NBEAL1: variants seen among roughly 807,000 people sequenced by gnomAD.
NBEAL1 encodes the protein neurobeachin-like protein 1.
Under a neutral mutation model 351.3 loss-of-function variants are expected in NBEAL1, and 273 were observed. The ratio of observed to expected loss-of-function variants is 0.78; its 90% CI spans 0.70 to 0.86. The LOEUF (loss-of-function observed/expected upper bound fraction) is 0.86. Ranked by LOEUF, NBEAL1 falls within the 40% of genes least tolerant of loss-of-function variation. The pLI, the probability that NBEAL1 is intolerant of heterozygous loss-of-function variation, is 0.00. For synonymous variants in NBEAL1, 1,050 were observed against 1,086.4 expected, an observed-to-expected ratio of 0.97 and a Z score of 0.66; for missense variants, 2,961 against 3,201.3, an observed-to-expected ratio of 0.92 and a Z score of 1.81.
chr2:203,102,067 G>C (rs752426106), intron 12 of NBEAL1, among the ~76,000 whole-genome samples: 2 of 152,080 alleles, frequency 1.3e-5, no homozygotes, highest in African/African-American at 4.8e-5. Flanking sequence ...TTCTTTTTGT[G>C]GTAATTGTTA....
At chr2:203,171,488 C>T (rs1275922311) in intron 39 of NBEAL1, among the ~76,000 whole-genome samples, 2 of 151,934 alleles carry the variant, frequency 1.3e-5, no homozygotes, top group Non-Finnish European at 2.9e-5. Context: ...GCCTTTAGTC[C>T]TAGCTACTTG....
chr2:203,165,103 C>T (rs185893615), intron 36 of NBEAL1, among the ~76,000 whole-genome samples: 114 of 152,248 alleles, frequency 7.5e-4, no homozygotes, highest in Middle Eastern at 3.4e-3. Flanking sequence ...TCAGGTGATC[C>T]GTCCATCTCT....
At chr2:203,058,907 CA>C (rs1383554571) in intron 6 of NBEAL1, among the ~76,000 whole-genome samples, 2 of 152,184 alleles carry the variant, frequency 1.3e-5, no homozygotes, top group Non-Finnish European at 1.5e-5. Flanking sequence ...AGTCACATAT[CA>C]TTCTTACCTG....
intron 2 of NBEAL1, among the ~76,000 whole-genome samples, chr2:203,018,936 T>A (rs1310414880): frequency 6.6e-6 from 1 of 152,208 alleles, no homozygotes; most frequent in Non-Finnish European, 1.5e-5. Flanking sequence ...TTTCTTAATA[T>A]TCGTATTTTC....
At chr2:203,072,434 A>G (rs999257042) in intron 7 of NBEAL1, among the ~76,000 whole-genome samples, 1 of 151,492 alleles carries the variant, frequency 6.6e-6, no homozygotes, top group Non-Finnish European at 1.5e-5. Context: ...AAATTTGGAT[A>G]GACTGAGAAT....
intron 51 of NBEAL1, among the ~76,000 whole-genome samples, chr2:203,205,975 C>G (rs1175192424): frequency 6.6e-6 from 1 of 152,190 alleles, no homozygotes; most frequent in Non-Finnish European, 1.5e-5. Context: ...CTAGGATAAT[C>G]ACAAATACAA....
Position 203,113,262 on chromosome 2 carries a change from T to C in NBEAL1, c.2450T>C (p.Val817Ala). Residue 817 changes from valine (V) to alanine (A), a missense_variant, in exon 17 of 56, where the codon GTT (valine) becomes GCT (alanine). Coordinates refer to ENST00000683969, the MANE Select transcript of NBEAL1 (RefSeq NM_001378026.1). ...PTSLEGQLGSVIIFYEPLQPP... is the reference protein window; with the variant it reads ...PTSLEGQLGSAIIFYEPLQPP... The stretch of plus-strand genomic sequence containing the variant: ...TCTCTGGAGGGTCAGCTAGGATCTG[T>C]TATCATCTTTTATGAACCACTACAA... 1 of 1,487,858 alleles carries C rather than the reference T, an allele frequency of 6.7e-7. No homozygotes were observed. Among genetic ancestry groups the C allele is most frequent in the Non-Finnish European group, 8.9e-7 (1 of 1,117,702 alleles). The allele number at this position is 1,487,858 out of a possible 1,614,324, so 92.2% of individuals were successfully genotyped here. A position where few individuals can be genotyped will look rare whatever the true frequency, so the allele number is the denominator to read the frequency against.
intron 2 of NBEAL1, chr2:203,040,446 G>GA (rs1559325421): frequency 1.4e-6 from 1 of 720,114 alleles, no homozygotes; most frequent in Non-Finnish European, 2.6e-6. Flanking sequence ...TTCGCCTGAA[G>GA]AAAATGTTTA....
intron 55 of NBEAL1, among the ~76,000 whole-genome samples, chr2:203,214,402 T>A (rs912735809): frequency 6.6e-6 from 1 of 152,236 alleles, no homozygotes; most frequent in Non-Finnish European, 1.5e-5. Flanking sequence ...AAAACCTGTT[T>A]TATAAATATT....
At chr2:203,117,145 G>A (rs375490315) in intron 18 of NBEAL1, among the ~76,000 whole-genome samples, 3 of 150,938 alleles carry the variant, frequency 2.0e-5, no homozygotes, top group African/African-American at 7.3e-5. Flanking sequence ...TGCACAAGCT[G>A]GCTAAACTAG....
chr2:203,054,441 A>G (rs1486045987), intron 4 of NBEAL1, among the ~76,000 whole-genome samples: 1 of 148,974 alleles, frequency 6.7e-6, no homozygotes, highest in African/African-American at 2.5e-5. Flanking sequence ...AAAAAAAAAA[A>G]TTTTTTTTTT....
At chr2:203,093,455 T>C (rs2062110830) in intron 10 of NBEAL1, among the ~76,000 whole-genome samples, 1 of 152,192 alleles carries the variant, frequency 6.6e-6, no homozygotes, top group Non-Finnish European at 1.5e-5. Flanking sequence ...CAAAGTTTAT[T>C]AAAATTTACA....
intron 38 of NBEAL1, 112 bp downstream of exon 38, chr2:203,167,472 A>G: frequency 9.3e-7 from 1 of 1,079,558 alleles, no homozygotes; most frequent in South Asian, 2.1e-5. Context: ...AAAATGTTAG[A>G]GGAAAAAATA....
intron 34 of NBEAL1, 72 bp downstream of exon 34, chr2:203,149,220 C>A: frequency 9.6e-7 from 1 of 1,038,978 alleles, no homozygotes; most frequent in Non-Finnish European, 1.3e-6. Flanking sequence ...TGAGCAAATG[C>A]CCCCTTTCAC....
intron 55 of NBEAL1, among the ~76,000 whole-genome samples, chr2:203,214,181 T>G (rs930283313): frequency 6.6e-6 from 1 of 152,248 alleles, no homozygotes; most frequent in African/African-American, 2.4e-5. Flanking sequence ...ACTCTCACTC[T>G]TAGGAAAACT....
intron 10 of NBEAL1, among the ~76,000 whole-genome samples, chr2:203,087,703 C>G (rs1216771961): frequency 1.3e-5 from 2 of 152,110 alleles, no homozygotes; most frequent in African/African-American, 2.4e-5. Flanking sequence ...AAGATTACTA[C>G]GTAATATTTT....
At chr2:203,088,503 G>A (rs1002943305) in intron 10 of NBEAL1, among the ~76,000 whole-genome samples, 6 of 152,124 alleles carry the variant, frequency 3.9e-5, no homozygotes, top group African/African-American at 1.4e-4. Context: ...GAACACACAG[G>A]TACCCTCGCT....
intron 3 of NBEAL1, among the ~76,000 whole-genome samples, chr2:203,049,337 G>A (rs1262079089): frequency 5.9e-5 from 9 of 152,192 alleles, no homozygotes; most frequent in Admixed American, 6.5e-5. Context: ...GATTACAGGC[G>A]TGAGCCACTG....
intron 41 of NBEAL1, among the ~76,000 whole-genome samples, chr2:203,173,603 C>T (rs1559037027): frequency 1.3e-5 from 2 of 151,816 alleles, no homozygotes; most frequent in Admixed American, 1.3e-4. Flanking sequence ...TTTGATTTGA[C>T]TTGATTTACC....
Sources: allele counts gnomAD v4.1 joint callset (sites outside exome capture counted in the v4.1 genomes callset), GRCh38; gene constraint gnomAD v4.1.1; transcripts MANE v1.5; gene names NCBI Gene and HGNC (gene_info 2026-07-23, HGNC 2026-07-21).